The following RBFOX1 variants were observed in gnomAD, a reference collection of about 807,000 sequenced individuals.
RBFOX1 encodes the protein RNA binding fox-1 homolog 1.
In RBFOX1, 8 loss-of-function variants were observed where a neutral mutation model predicts 57.7. That is an observed-to-expected ratio of 0.14 (90% CI 0.08 to 0.25). The LOEUF is 0.25. Ranked by LOEUF, RBFOX1 falls within the 10% of genes least tolerant of loss-of-function variation. RBFOX1 has a pLI of 1.00. For missense variants in RBFOX1, 611 were observed against 548.5 expected (o/e 1.11, Z -1.14); for synonymous variants, 326 against 222.4 (o/e 1.47, Z -4.15).
chr16:6,230,725 C>G (rs1396502306), intron 1 of RBFOX1, among the ~76,000 whole-genome samples: 1 of 152,148 alleles, frequency 6.6e-6, no homozygotes, highest in African/African-American at 2.4e-5. Context: ...ATGCGGATAG[C>G]TTAAGGAAAG....
At chr16:6,777,654 G>C (rs1195534625) in intron 3 of RBFOX1, among the ~76,000 whole-genome samples, 1 of 152,038 alleles carries the variant, frequency 6.6e-6, no homozygotes, top group African/African-American at 2.4e-5. Flanking sequence ...CAGTTTCTTA[G>C]CCTGACAGTT....
intron 1 of RBFOX1, among the ~76,000 whole-genome samples, chr16:6,280,989 G>C (rs752359949): frequency 2.0e-5 from 3 of 150,610 alleles, no homozygotes; most frequent in Non-Finnish European, 4.4e-5. Context: ...ATATATATGT[G>C]TGTGTGTATA....
intron 1 of RBFOX1, among the ~76,000 whole-genome samples, chr16:5,454,892 TTC>T (rs2068553297): frequency 7.7e-6 from 1 of 130,346 alleles, no homozygotes; most frequent in Non-Finnish European, 1.6e-5. Flanking sequence ...CTTTCTTTCT[TTC>T]TTTCTTTCTT....
chr16:7,193,532 C>G (rs946327209), intron 4 of RBFOX1, among the ~76,000 whole-genome samples: 1 of 152,206 alleles, frequency 6.6e-6, no homozygotes, highest in Non-Finnish European at 1.5e-5. Flanking sequence ...ACTGCAAATG[C>G]TTTTATGGTC....
intron 2 of RBFOX1, among the ~76,000 whole-genome samples, chr16:5,591,641 T>A (rs375776521): frequency 6.6e-6 from 1 of 152,204 alleles, no homozygotes; most frequent in East Asian, 1.9e-4. Context: ...CTTAAAACAA[T>A]GAACAGATGT....
At chr16:5,911,218 C>A (rs966456290) in intron 4 of RBFOX1, among the ~76,000 whole-genome samples, 3 of 152,128 alleles carry the variant, frequency 2.0e-5, no homozygotes, top group Non-Finnish European at 4.4e-5. Context: ...ACCCTGTTCT[C>A]TAGGGCCTCC....
chr16:5,765,329 C>G (rs1384746712), intron 3 of RBFOX1, among the ~76,000 whole-genome samples: 1 of 152,130 alleles, frequency 6.6e-6, no homozygotes, highest in Non-Finnish European at 1.5e-5. Context: ...GTTCAATCAA[C>G]CAATTGTTTC....
chr16:7,544,466 G>C (rs755980873), intron 5 of RBFOX1, among the ~76,000 whole-genome samples: 10 of 152,210 alleles, frequency 6.6e-5, no homozygotes, highest in African/African-American at 1.2e-4. Flanking sequence ...GGTGGGCCCT[G>C]AATTCAATGA....
At chr16:5,331,251 A>C (rs936192569) in intron 1 of RBFOX1, among the ~76,000 whole-genome samples, 21 of 152,238 alleles carry the variant, frequency 1.4e-4, no homozygotes, top group African/African-American at 3.4e-4. Context: ...AAATTCGTTC[A>C]TCACCAGATG....
intron 1 of RBFOX1, among the ~76,000 whole-genome samples, chr16:5,386,666 G>A (rs914691572): frequency 6.6e-6 from 1 of 152,116 alleles, no homozygotes; most frequent in Non-Finnish European, 1.5e-5. Context: ...ACCCCCGGCA[G>A]ACTCCCACAC....
intron 4 of RBFOX1, among the ~76,000 whole-genome samples, chr16:7,304,761 A>G (rs1484617439): frequency 6.6e-6 from 1 of 152,076 alleles, no homozygotes; most frequent in East Asian, 1.9e-4. Flanking sequence ...CCTTGCTACC[A>G]TCTTCCTTGT....
At chr16:5,505,317 C>A (rs2043343294) in intron 2 of RBFOX1, among the ~76,000 whole-genome samples, 1 of 152,308 alleles carries the variant, frequency 6.6e-6, no homozygotes, top group South Asian at 2.1e-4. Context: ...CCAAAGCCTG[C>A]ATTTTCCCTG....
At chr16:6,808,886 A>G (rs966844710) in intron 3 of RBFOX1, among the ~76,000 whole-genome samples, 10 of 152,198 alleles carry the variant, frequency 6.6e-5, no homozygotes, top group Admixed American at 2.0e-4. Flanking sequence ...AGGGAACAAT[A>G]TCGGATAATC....
At chr16:5,521,406 G>A (rs1168166716) in intron 2 of RBFOX1, among the ~76,000 whole-genome samples, 1 of 152,160 alleles carries the variant, frequency 6.6e-6, no homozygotes, top group African/African-American at 2.4e-5. Context: ...TTCCAGCCTT[G>A]TACATTTGAT....
intron 5 of RBFOX1, among the ~76,000 whole-genome samples, chr16:7,520,075 C>T (rs113989667): frequency 3.3e-5 from 5 of 152,076 alleles, no homozygotes; most frequent in African/African-American, 9.6e-5. Context: ...TTGGTAGAGA[C>T]GGGATTTCAC....
intron 14 of RBFOX1, among the ~76,000 whole-genome samples, chr16:7,708,821 C>CAT (rs1568607654): frequency 6.9e-4 from 5 of 7,210 alleles, no homozygotes; most frequent in South Asian, 0.026. Flanking sequence ...TATGTAAGTA[C>CAT]GTGTGTATAT....
At chr16:6,500,030 G>C (rs2095868682) in intron 2 of RBFOX1, among the ~76,000 whole-genome samples, 1 of 152,086 alleles carries the variant, frequency 6.6e-6, no homozygotes, top group African/African-American at 2.4e-5. Flanking sequence ...CACTGAATTA[G>C]CACAATGTTT....
At chr16:5,936,911 C>T (rs754522585) in intron 4 of RBFOX1, among the ~76,000 whole-genome samples, 3 of 152,120 alleles carry the variant, frequency 2.0e-5, no homozygotes, top group Non-Finnish European at 4.4e-5. Context: ...ACCAGGCTTA[C>T]CTTCATCTCA....
intron 2 of RBFOX1, among the ~76,000 whole-genome samples, chr16:5,591,276 A>T (rs11648779): frequency 0.2 from 26,542 of 132,992 alleles, 2,680 homozygotes; most frequent in Non-Finnish European, 0.22. Context: ...TTTGAGACGG[A>T]GTTTCTCTTT....
Sources: gnomAD v4.1 joint callset for allele counts (sites outside exome capture counted in the v4.1 genomes callset) on GRCh38, gnomAD v4.1.1 for gene constraint, MANE v1.5 for transcripts, NCBI Gene and HGNC (gene_info 2026-07-23, HGNC 2026-07-21) for gene names.